Variants in BCKDHB observed in about 807,000 individuals in gnomAD.
The protein encoded by BCKDHB is branched chain keto acid dehydrogenase E1 subunit beta.
In BCKDHB, 41 loss-of-function variants were observed where a neutral mutation model predicts 48.5. That is an observed-to-expected ratio of 0.85 (90% CI 0.66 to 1.10). The LOEUF is 1.10. BCKDHB is among the 50% of genes least tolerant of loss of function. BCKDHB has a pLI of 0.00. For missense variants in BCKDHB, 496 were observed against 494.2 expected (o/e 1.00, Z -0.03); for synonymous variants, 201 against 174.8 (o/e 1.15, Z -1.18).
chr6:80,416,837 T>A, the BCKDHB span, among the ~76,000 whole-genome samples: 5 of 151,826 alleles, frequency 3.3e-5, no homozygotes, highest in South Asian at 1.0e-3. Context: ...TTATTTGCTT[T>A]TTTTGTTTGT....
intron 8 of BCKDHB, among the ~76,000 whole-genome samples, chr6:80,219,562 C>G (rs926732371): frequency 1.3e-5 from 2 of 152,154 alleles, no homozygotes; most frequent in Admixed American, 1.3e-4. Flanking sequence ...TCTATACCTG[C>G]TGCACAACAA....
At chr6:80,248,990 C>A (rs1776729944) in intron 8 of BCKDHB, among the ~76,000 whole-genome samples, 1 of 151,192 alleles carries the variant, frequency 6.6e-6, no homozygotes, top group South Asian at 2.1e-4. Context: ...TGTATGTCTT[C>A]AGTGTATTTG....
intron 1 of BCKDHB, among the ~76,000 whole-genome samples, chr6:80,127,051 G>A (rs1441413125): frequency 6.6e-6 from 1 of 152,144 alleles, no homozygotes; most frequent in Non-Finnish European, 1.5e-5. Context: ...TTAGGCATAA[G>A]ATTATGGTAT....
At chr6:80,329,599 C>G (rs1372731873) in intron 9 of BCKDHB, among the ~76,000 whole-genome samples, 1 of 152,088 alleles carries the variant, frequency 6.6e-6, no homozygotes, top group African/African-American at 2.4e-5. Flanking sequence ...TCCATTGTCC[C>G]ACTTTGGGTG....
chr6:80,457,070 G>A, the BCKDHB span, among the ~76,000 whole-genome samples: 1 of 152,092 alleles, frequency 6.6e-6, no homozygotes, highest in Admixed American at 6.5e-5. Context: ...GAACTTATGT[G>A]ACACACTCCT....
At chr6:80,187,675 A>G (rs1773708870) in intron 6 of BCKDHB, among the ~76,000 whole-genome samples, 2 of 152,214 alleles carry the variant, frequency 1.3e-5, no homozygotes, top group Non-Finnish European at 2.9e-5. Context: ...GGACATGAAC[A>G]GACACTTTTC....
chr6:80,230,551 A>G (rs78499503), intron 8 of BCKDHB, among the ~76,000 whole-genome samples: 5,601 of 152,180 alleles, frequency 0.037, 329 homozygotes, highest in African/African-American at 0.13. Flanking sequence ...AATATTTTCA[A>G]CTTTGTGGGC....
chr6:80,417,324 T>C, the BCKDHB span, among the ~76,000 whole-genome samples: 3 of 152,304 alleles, frequency 2.0e-5, no homozygotes, highest in African/African-American at 7.2e-5. Flanking sequence ...TGTCTTTTAA[T>C]TGGGAAATTT....
chr6:80,315,210 T>C (rs1187528543), intron 9 of BCKDHB, among the ~76,000 whole-genome samples: 3 of 152,200 alleles, frequency 2.0e-5, no homozygotes, highest in Admixed American at 6.5e-5. Context: ...GCTCTGGGTC[T>C]CTGTGCTGCC....
At position 80,171,307 on chromosome 6, in the gene BCKDHB, A is replaced by G; in HGVS notation, c.659A>G (p.Gln220Arg). Residue 220 changes from glutamine (Q) to arginine (R), a missense_variant, in exon 6 of 10, where the codon CAG (glutamine) becomes CGG (arginine). Coordinates refer to ENST00000320393, the MANE Select transcript of BCKDHB (RefSeq NM_183050.4). The stretch of plus-strand genomic sequence containing the variant: ...GTGGTTATACCCAGAAGCCCTTTCC[A>G]GGCCAAAGGACTTCTTTTGTCATGC... ...IKVVIPRSPF[Q>R]AKGLLLSCIE... 6.2e-7 allele frequency: 1 copy of G among 1,608,508 alleles called. No individual in the cohort carries two copies. Among genetic ancestry groups the G allele is most frequent in the South Asian group, 1.1e-5 (1 of 90,232 alleles).
At chr6:80,466,312 A>T in the BCKDHB span, among the ~76,000 whole-genome samples, 1 of 152,172 alleles carries the variant, frequency 6.6e-6, no homozygotes, top group Non-Finnish European at 1.5e-5. Flanking sequence ...TTAACAAAAA[A>T]TTTTTGGAAG....
intron 9 of BCKDHB, among the ~76,000 whole-genome samples, chr6:80,336,024 T>A (rs1183647569): frequency 1.3e-5 from 2 of 152,020 alleles, no homozygotes; most frequent in South Asian, 2.1e-4. Context: ...ATTACAGAAA[T>A]GAGTTGTCAC....
At chr6:80,151,640 G>C (rs1356575429) in intron 3 of BCKDHB, among the ~76,000 whole-genome samples, 1 of 151,930 alleles carries the variant, frequency 6.6e-6, no homozygotes, top group Non-Finnish European at 1.5e-5. Context: ...TTTATTAATA[G>C]GTCCTCAGTT....
intron 1 of BCKDHB, among the ~76,000 whole-genome samples, chr6:80,124,369 G>T (rs959949151): frequency 2.6e-5 from 4 of 152,190 alleles, no homozygotes; most frequent in Non-Finnish European, 4.4e-5. Flanking sequence ...TGTGTATTCT[G>T]TTGATTTGGG....
At chr6:80,315,135 C>T (rs74728646) in intron 9 of BCKDHB, among the ~76,000 whole-genome samples, 4,375 of 152,186 alleles carry the variant, frequency 0.029, 187 homozygotes, top group African/African-American at 0.1. Flanking sequence ...TAGATTTAGC[C>T]GCCTTCCTAG....
At chr6:80,297,767 C>T (rs959033817) in intron 9 of BCKDHB, among the ~76,000 whole-genome samples, 3 of 152,170 alleles carry the variant, frequency 2.0e-5, no homozygotes, top group Non-Finnish European at 2.9e-5. Flanking sequence ...AGATGAGTAT[C>T]TCCCATAACT....
chr6:80,263,315 G>C (rs1277082855), intron 8 of BCKDHB, among the ~76,000 whole-genome samples: 2 of 152,088 alleles, frequency 1.3e-5, no homozygotes, highest in African/African-American at 4.8e-5. Flanking sequence ...TTCTGCTAAA[G>C]AATTCTTTTC....
intron 6 of BCKDHB, among the ~76,000 whole-genome samples, chr6:80,180,276 C>T (rs1002990303): frequency 3.3e-5 from 5 of 152,088 alleles, no homozygotes; most frequent in Admixed American, 3.3e-4. Context: ...TTTCGATTTC[C>T]TGATTATTTA....
intron 9 of BCKDHB, among the ~76,000 whole-genome samples, chr6:80,309,141 G>T (rs987230533): frequency 1.6e-4 from 24 of 151,006 alleles, no homozygotes; most frequent in African/African-American, 5.1e-4. Context: ...TCGGCTCACT[G>T]CAACCTCCGC....
Sources: allele counts gnomAD v4.1 joint callset (sites outside exome capture counted in the v4.1 genomes callset), GRCh38; gene constraint gnomAD v4.1.1; transcripts MANE v1.5; gene names NCBI Gene and HGNC (gene_info 2026-07-23, HGNC 2026-07-21).